Variants in DMD observed in about 807,000 individuals in gnomAD.
DMD encodes the protein mutant dystrophin.
A neutral mutation model predicts 330.1 loss-of-function variants in DMD; 63 were observed. That is an observed-to-expected ratio of 0.19 (90% confidence interval 0.16 to 0.24). The LOEUF (loss-of-function observed/expected upper bound fraction) is 0.24, where lower values mean the gene tolerates loss of function less well. DMD is among the 10% of genes least tolerant of loss of function. DMD has a pLI of 1.00. For missense variants in DMD, 3,344 were observed against 2,684.1 expected, an observed-to-expected ratio of 1.25 and a Z score of -5.43; for synonymous variants, 1,223 against 959.8, an observed-to-expected ratio of 1.27 and a Z score of -5.07.
chrX:31,906,475 C>CA (rs1204733382), intron 47 of DMD, among the ~76,000 whole-genome samples: 1 of 112,142 alleles, frequency 8.9e-6, no homozygotes, highest in Non-Finnish European at 1.9e-5. Context: ...CTTTCATCTA[C>CA]AGCAAATATT....
intron 28 of DMD, 74 bp downstream of exon 28, chrX:32,441,106 G>A: frequency 9.3e-7 from 1 of 1,081,014 alleles, no homozygotes; most frequent in South Asian, 1.9e-5. Flanking sequence ...CTTTGGATTT[G>A]TCTTCTATTT....
At chrX:31,181,536 C>A (rs1013018806) in intron 68 of DMD, among the ~76,000 whole-genome samples, 5 of 110,308 alleles carry the variant, frequency 4.5e-5, no homozygotes, top group Non-Finnish European at 9.4e-5. Context: ...CTTCCCTTCC[C>A]CACTCCCCAC....
chrX:31,955,091 G>C (rs1046033111), intron 45 of DMD, among the ~76,000 whole-genome samples: 1 of 109,706 alleles, frequency 9.1e-6, no homozygotes, highest in African/African-American at 3.3e-5. Context: ...TTGGAGGATC[G>C]CTTGAACCTG....
chrX:33,302,970 T>C (rs1168376349), intron 1 of DMD, among the ~76,000 whole-genome samples: 5 of 111,998 alleles, frequency 4.5e-5, no homozygotes, highest in African/African-American at 1.6e-4. Context: ...ACTGATCTTT[T>C]AACTGTCTAC....
chrX:33,281,036 C>T (rs755150415), intron 1 of DMD, among the ~76,000 whole-genome samples: 1 of 111,749 alleles, frequency 8.9e-6, no homozygotes, highest in South Asian at 3.6e-4. Context: ...GAATTCACAT[C>T]TTTACTATGG....
At chrX:32,190,731 G>A (rs181038491) in intron 44 of DMD, among the ~76,000 whole-genome samples, 15 of 107,602 alleles carry the variant, frequency 1.4e-4, no homozygotes, top group African/African-American at 4.1e-4. Context: ...TAGAACATTC[G>A]AAATCTTCAG....
intron 1 of DMD, among the ~76,000 whole-genome samples, chrX:33,279,507 T>C (rs1343960973): frequency 1.8e-5 from 2 of 110,620 alleles, no homozygotes; most frequent in Non-Finnish European, 3.8e-5. Flanking sequence ...TTTGGTACTA[T>C]AAGGCTGCTA....
At chrX:31,366,485 A>AAT (rs2059246784) in intron 60 of DMD, among the ~76,000 whole-genome samples, 1 of 100,676 alleles carries the variant, frequency 9.9e-6, no homozygotes, top group African/African-American at 3.7e-5. Flanking sequence ...AAAAAAAAAA[A>AAT]AAAAAAAAAA....
At chrX:33,284,892 G>GT (rs2053406289) in intron 1 of DMD, among the ~76,000 whole-genome samples, 2 of 106,923 alleles carry the variant, frequency 1.9e-5, no homozygotes, top group Admixed American at 2.0e-4. Context: ...TTTAAATGCA[G>GT]TGAGGGGTAT....
At chrX:31,164,042 T>C (rs769673590) in intron 74 of DMD, among the ~76,000 whole-genome samples, 9 of 112,023 alleles carry the variant, frequency 8.0e-5, no homozygotes, top group African/African-American at 2.3e-4. Flanking sequence ...CTTTTCTCTA[T>C]ATGTCTTTTT....
intron 60 of DMD, among the ~76,000 whole-genome samples, chrX:31,409,440 G>A (rs888468459): frequency 2.5e-4 from 28 of 112,157 alleles, no homozygotes; most frequent in African/African-American, 8.8e-4. Flanking sequence ...TACTACAATG[G>A]GGGTTTTCTC....
intron 20 of DMD, among the ~76,000 whole-genome samples, chrX:32,489,331 G>A (rs1486195644): frequency 9.2e-6 from 1 of 108,966 alleles, no homozygotes; most frequent in Non-Finnish European, 1.9e-5. Context: ...CGTCATCAGG[G>A]TTGGGTAAGG....
In DMD at chrX:33,322,561, T is replaced by C. The variant is rs950630432; in HGVS notation, c.7+16698A>G. ...TATTCTTTCAGTGTGGCTTTTGTAC[T>C]CTAACCAGTGTCAGCTTGTTGAGGG... On this transcript the variant is annotated intron_variant, in intron 1 of 17. Transcript: ENST00000288447. Among the ~76,000 whole-genome samples the C allele has an allele frequency of 1.2e-4, 13 of 111,807 alleles. No homozygotes were observed. In the Admixed American group the frequency reaches 1.2e-3, roughly 11 times the overall value.
chrX:31,513,532 T>G (rs1395060979), intron 55 of DMD, among the ~76,000 whole-genome samples: 1 of 111,370 alleles, frequency 9.0e-6, no homozygotes, highest in Non-Finnish European at 1.9e-5. Flanking sequence ...AAGGATAATT[T>G]TCATAGAAAT....
Position 31,251,164 on chromosome X carries a change from CT to C in DMD, c.9286+9790del, listed in dbSNP as rs375001363. Among the ~76,000 whole-genome samples, 726 of 101,858 alleles carry C rather than the reference CT, an allele frequency of 7.1e-3. 7 individuals carry two copies. Among genetic ancestry groups the C allele is most frequent in the African/African-American group, 0.023 (647 of 28,347 alleles). The allele number at this position is 101,858 out of a possible 115,157, so 88.5% of individuals were successfully genotyped here. A position where few individuals can be genotyped will look rare whatever the true frequency, so the allele number is the denominator to read the frequency against. On this transcript the variant is annotated intron_variant, in intron 63 of 78. Coordinates refer to ENST00000357033, the MANE Select transcript of DMD (RefSeq NM_004006.3). Reference sequence around the variant, plus strand: ...AAGCACTGCTCTTCAGTGATAGCTTCTTTTTTTTTTTTTCTAAGACAACGTC... The same window carrying C: ...AAGCACTGCTCTTCAGTGATAGCTTCTTTTTTTTTTTTCTAAGACAACGTC...
Position 32,452,780 on chromosome X carries a change from T to A in DMD, c.3603+1882A>T, listed in dbSNP as rs776467392. Among the ~76,000 whole-genome samples the A allele has an allele frequency of 2.7e-5, 3 of 111,182 alleles. No individual in the cohort carries two copies. In the East Asian group the frequency reaches 8.6e-4, roughly 32 times the overall value. On this transcript the variant is annotated intron_variant, in intron 26 of 78. Coordinates refer to ENST00000357033, the MANE Select transcript of DMD (RefSeq NM_004006.3). ...TGAAATACTCCAATGGTTTTTCTTG[T>A]CCATTTAGAATAAAAACTGTGATAC... is the stretch of plus-strand genomic sequence containing the variant.
intron 44 of DMD, among the ~76,000 whole-genome samples, chrX:32,095,668 A>G (rs747071460): frequency 8.9e-6 from 1 of 112,486 alleles, no homozygotes; most frequent in African/African-American, 3.2e-5. Context: ...GAAAGAAAAT[A>G]GAACCAATTT....
At chrX:32,820,079 G>A (rs2078105974) in intron 5 of DMD, among the ~76,000 whole-genome samples, 1 of 111,620 alleles carries the variant, frequency 9.0e-6, no homozygotes, top group Admixed American at 9.6e-5. Context: ...AGAGGTCTCA[G>A]ACAAAGAAAG....
intron 29 of DMD, among the ~76,000 whole-genome samples, chrX:32,414,680 G>C (rs924259294): frequency 1.8e-5 from 2 of 111,932 alleles, no homozygotes; most frequent in African/African-American, 6.5e-5. Flanking sequence ...GACGAAAATG[G>C]ATTTACAGAA....
Sources: allele counts gnomAD v4.1 joint callset (sites outside exome capture counted in the v4.1 genomes callset), GRCh38; gene constraint gnomAD v4.1.1; transcripts MANE v1.5; gene names NCBI Gene and HGNC (gene_info 2026-07-23, HGNC 2026-07-21).